The following STPG2 variants were observed in gnomAD, a reference collection of about 807,000 sequenced individuals.
The protein encoded by STPG2 is sperm-tail PG-rich repeat-containing protein 2.
A neutral mutation model predicts 54.2 loss-of-function variants in STPG2; 56 were observed. The ratio of observed to expected loss-of-function variants is 1.03; its 90% CI spans 0.83 to 1.29. STPG2 has a LOEUF of 1.29. Among genes scored for constraint, STPG2 ranks in the 50% most tolerant of loss-of-function variants. The pLI is 0.00. For missense variants in STPG2, 596 were observed against 544.9 expected (o/e 1.09, Z -0.93); for synonymous variants, 200 against 181.8 (o/e 1.10, Z -0.81).
intron 4 of STPG2, among the ~76,000 whole-genome samples, chr4:97,537,386 C>A (rs1001047969): frequency 1.3e-5 from 2 of 152,196 alleles, no homozygotes; most frequent in African/African-American, 4.8e-5. Flanking sequence ...AATGGCACAC[C>A]ATGGGATTAT....
chr4:98,109,758 T>C (rs1578174241), intron 3 of STPG2, among the ~76,000 whole-genome samples: 2 of 152,164 alleles, frequency 1.3e-5, no homozygotes, highest in Non-Finnish European at 2.9e-5. Context: ...TAATGTAACC[T>C]TTAAACAGAG....
chr4:97,910,319 T>C (rs1731629196), intron 8 of STPG2, among the ~76,000 whole-genome samples: 1 of 152,194 alleles, frequency 6.6e-6, no homozygotes, highest in South Asian at 2.1e-4. Context: ...TGGTAGATTA[T>C]GGAAAGGTCG....
chr4:97,763,804 T>C (rs1200455843), intron 9 of STPG2, among the ~76,000 whole-genome samples: 1 of 152,132 alleles, frequency 6.6e-6, no homozygotes, highest in African/African-American at 2.4e-5. Flanking sequence ...TAGCAATCAG[T>C]ATGGATATTT....
chr4:97,698,911 C>T (rs1723674935), intron 10 of STPG2, among the ~76,000 whole-genome samples: 1 of 152,148 alleles, frequency 6.6e-6, no homozygotes, highest in Non-Finnish European at 1.5e-5. Flanking sequence ...GTGCCTTGGT[C>T]AGAGGCAATG....
chr4:97,705,436 G>GT (rs1174895819), intron 10 of STPG2, among the ~76,000 whole-genome samples: 1 of 151,692 alleles, frequency 6.6e-6, no homozygotes, highest in Non-Finnish European at 1.5e-5. Context: ...AGCGATCCTC[G>GT]TGTCTCTGCC....
At chr4:97,814,144 A>G (rs369197827) in intron 9 of STPG2, among the ~76,000 whole-genome samples, 1 of 152,156 alleles carries the variant, frequency 6.6e-6, no homozygotes, top group African/African-American at 2.4e-5. Context: ...TTTATAACAA[A>G]TGTATTTTGT....
chr4:97,988,327 T>C (rs967146067), intron 5 of STPG2, among the ~76,000 whole-genome samples: 5 of 152,216 alleles, frequency 3.3e-5, no homozygotes, highest in African/African-American at 4.8e-5. Flanking sequence ...TTCTCTGCTT[T>C]TTTTAACCTT....
At chr4:97,560,717 G>A (rs556496462) in intron 10 of STPG2, among the ~76,000 whole-genome samples, 1 of 152,182 alleles carries the variant, frequency 6.6e-6, no homozygotes, top group East Asian at 1.9e-4. Context: ...TGGTAGCATG[G>A]AACATTTGTT....
chr4:97,905,840 C>T (rs1291070786), intron 8 of STPG2, among the ~76,000 whole-genome samples: 1 of 151,986 alleles, frequency 6.6e-6, no homozygotes, highest in Non-Finnish European at 1.5e-5. Flanking sequence ...CACAACATAC[C>T]AGAATCTCTG....
intron 9 of STPG2, among the ~76,000 whole-genome samples, chr4:97,758,051 G>A (rs1277457196): frequency 6.6e-6 from 1 of 152,080 alleles, no homozygotes; most frequent in Non-Finnish European, 1.5e-5. Flanking sequence ...TGTTAGTCTA[G>A]GCTCTAGGGG....
chr4:97,651,498 A>T (rs766964612), intron 10 of STPG2, among the ~76,000 whole-genome samples: 2 of 152,114 alleles, frequency 1.3e-5, no homozygotes, highest in African/African-American at 2.4e-5. Flanking sequence ...AATTAATATC[A>T]TCAAGGTAGA....
At chr4:97,833,577 G>T (rs544636410) in intron 9 of STPG2, among the ~76,000 whole-genome samples, 4 of 152,036 alleles carry the variant, frequency 2.6e-5, no homozygotes, top group Non-Finnish European at 5.9e-5. Context: ...GCAAACTACA[G>T]AATGGGAGAA....
At position 97,840,860 on chromosome 4, in the gene STPG2, G is replaced by A. The variant is rs986643065; in HGVS notation, c.1117C>T (p.Pro373Ser). 1.2e-5 allele frequency: 19 copies of A among 1,612,010 alleles called. No homozygotes were observed. Among genetic ancestry groups the A allele is most frequent in the Non-Finnish European group, 1.6e-5 (19 of 1,178,616 alleles). The change falls in exon 9 of 11, where the codon CCA becomes TCA. Residue 373 changes from proline to serine, a missense_variant. Physicochemically the swap from Pro to Ser is moderately conservative, Grantham distance 74. Transcript: ENST00000295268. ...EMSQVKHKYM[P>S]PRSLVAKRKH... ...CTTTTAGCCACTAAACTACGAGGTG[G>A]CATATATTTATGCTTAACTTGGGAC...
intron 8 of STPG2, among the ~76,000 whole-genome samples, chr4:97,859,258 C>A (rs1198312294): frequency 1.3e-5 from 2 of 151,940 alleles, no homozygotes; most frequent in African/African-American, 2.4e-5. Flanking sequence ...GGGTTGTTTT[C>A]TTACTGATTT....
chr4:97,538,334 A>G (rs533344771), intron 4 of STPG2, among the ~76,000 whole-genome samples: 1 of 152,340 alleles, frequency 6.6e-6, no homozygotes, highest in Admixed American at 6.5e-5. Context: ...ACCGATGCAG[A>G]GAACTCCTTA....
chr4:97,454,025 G>A (rs561993538), intron 4 of STPG2, among the ~76,000 whole-genome samples: 1 of 152,002 alleles, frequency 6.6e-6, no homozygotes, highest in Non-Finnish European at 1.5e-5. Flanking sequence ...TAGATCTGAA[G>A]GAGACTAAAA....
chr4:97,640,013 T>C (rs1437330932), intron 10 of STPG2, among the ~76,000 whole-genome samples: 6 of 152,092 alleles, frequency 3.9e-5, no homozygotes, highest in Non-Finnish European at 7.4e-5. Flanking sequence ...GTTAATTATA[T>C]AGTACAAGAG....
At chr4:97,923,588 A>C (rs1157681531) in intron 8 of STPG2, among the ~76,000 whole-genome samples, 1 of 152,194 alleles carries the variant, frequency 6.6e-6, no homozygotes, top group Non-Finnish European at 1.5e-5. Flanking sequence ...TGCATCAATC[A>C]GCACTCTGTG....
chr4:97,873,976 TA>T (rs1390653716), intron 8 of STPG2, among the ~76,000 whole-genome samples: 4 of 151,594 alleles, frequency 2.6e-5, no homozygotes, highest in Admixed American at 1.3e-4. Context: ...ATTTTCTTTA[TA>T]TTTTTTCTCT....
Sources: gnomAD v4.1 joint callset for allele counts (sites outside exome capture counted in the v4.1 genomes callset) on GRCh38, gnomAD v4.1.1 for gene constraint, MANE v1.5 for transcripts, NCBI Gene and HGNC (gene_info 2026-07-23, HGNC 2026-07-21) for gene names.